The following MTO1 variants were observed in gnomAD, a reference collection of about 807,000 sequenced individuals.
MTO1 encodes 5-taurinomethyluridine-[tRNA] synthase subunit MTO1, mitochondrial.
In MTO1, 46 loss-of-function variants were observed where a neutral mutation model predicts 71.6. That is an observed-to-expected ratio of 0.64 (90% CI 0.51 to 0.82). The LOEUF is 0.82. Among genes scored for constraint, MTO1 ranks in the 40% least tolerant of loss-of-function variants. The pLI is 0.00. For synonymous variants in MTO1, 297 were observed against 312.1 expected, an observed-to-expected ratio of 0.95 and a Z score of 0.51; for missense variants, 773 against 867.5, an observed-to-expected ratio of 0.89 and a Z score of 1.37.
At chr6:73,479,906 T>C in intron 5 of MTO1, 30 bp from the exon 6 acceptor site, 1 of 1,606,098 alleles carries the variant, frequency 6.2e-7, no homozygotes, top group Non-Finnish European at 8.5e-7. Context: ...CTTTTGTTCA[T>C]TTCAAGTTTA....
rs539043276 is a variant in MTO1 at position 73,496,207 on chromosome 6, G to A, written c.1757-1529G>A. ...GTTCTGGCTGCCAGTTAAGTGATGG[G>A]AAAAGATGCTACCAAAACCTCAGAG... On this transcript the variant is annotated intron_variant, in intron 10 of 11. Transcript: ENST00000498286. Among the ~76,000 whole-genome samples, 4 of 152,258 alleles carry A rather than the reference G, an allele frequency of 2.6e-5. No homozygotes were observed. In the East Asian group the frequency reaches 7.7e-4, roughly 29 times the overall value.
chr6:73,491,947 A>C, intron 9 of MTO1: 1 of 246,336 alleles, frequency 4.1e-6, no homozygotes, highest in African/African-American at 2.2e-5. Flanking sequence ...CTAAAAATAC[A>C]AAAAAATAGC....
chr6:73,490,076 G>A (rs649909), intron 9 of MTO1, among the ~76,000 whole-genome samples: 137,610 of 152,248 alleles, frequency 0.9, 62,325 homozygotes, highest in East Asian at 0.95. Flanking sequence ...TGTTGGCTGC[G>A]TAAATGTCTT....
chr6:73,488,035 G>A (rs1426044529), intron 9 of MTO1, among the ~76,000 whole-genome samples: 3 of 152,114 alleles, frequency 2.0e-5, no homozygotes, highest in African/African-American at 7.2e-5. Context: ...GTGGATGTGA[G>A]GTGATATCTC....
chr6:73,464,182 A>C (rs1770911109), intron 1 of MTO1: 1 of 152,194 alleles, frequency 6.6e-6, no homozygotes, highest in Non-Finnish European at 1.5e-5. Flanking sequence ...ATTTTTAAAA[A>C]ATAATAATAA....
chr6:73,473,715 C>A, intron 4 of MTO1, 61 bp downstream of exon 4: 28 of 1,110,212 alleles, frequency 2.5e-5, no homozygotes, highest in Non-Finnish European at 3.0e-5. Context: ...GCAGGAAGTA[C>A]TGTAACTTTT....
At chr6:73,482,735 C>A in intron 9 of MTO1, 115 bp downstream of exon 9, 1 of 758,572 alleles carries the variant, frequency 1.3e-6, no homozygotes, top group Non-Finnish European at 1.9e-6. Flanking sequence ...ATGAATGTAG[C>A]TTGTTTTTGG....
intron 3 of MTO1, among the ~76,000 whole-genome samples, chr6:73,472,635 A>C (rs1214986924): frequency 3.3e-5 from 5 of 152,198 alleles, no homozygotes; most frequent in African/African-American, 1.2e-4. Context: ...CTAGCAATCT[A>C]GTGAGCAGTA....
chr6:73,470,368 G>A (rs932034639), intron 3 of MTO1, among the ~76,000 whole-genome samples: 1 of 151,494 alleles, frequency 6.6e-6, no homozygotes, highest in African/African-American at 2.4e-5. Flanking sequence ...CACCATGCCC[G>A]GCTACTTTTT....
In MTO1 at chr6:73,466,381, T is replaced by C. The variant is rs574279171; in HGVS notation, c.390T>C (p.Asp130=). Residue 130 remains aspartate (D), a synonymous_variant, in exon 2 of 12, where the codon GAT becomes GAC. Coordinates refer to ENST00000498286, the MANE Select transcript of MTO1 (RefSeq NM_012123.4). Reference sequence around the variant, plus strand: ...TGTGGGGTCTGAGAGCTCAGATTGATAGGAAACTCTATAAACAGAACATGC... The same window carrying C: ...TGTGGGGTCTGAGAGCTCAGATTGACAGGAAACTCTATAAACAGAACATGC... ...PAVWGLRAQI[D]RKLYKQNMQK... 8 of 1,614,206 alleles carry C rather than the reference T, an allele frequency of 5.0e-6. No individual in the cohort carries two copies. Among genetic ancestry groups the C allele is most frequent in the African/African-American group, 4.0e-5 (3 of 75,060 alleles).
chr6:73,462,077 G>A lies in MTO1; in HGVS notation c.217+6G>A, dbSNP rs776580548. 6.2e-7 allele frequency: 1 copy of A among 1,612,146 alleles called. No individual in the cohort carries two copies. Among genetic ancestry groups the A allele is most frequent in the South Asian group, 1.1e-5 (1 of 91,042 alleles). On this transcript the variant is annotated splice_donor_region_variant and intron_variant, in intron 1 of 11. Transcript: ENST00000498286. ...TCACCGCGTGGACACGATCGGTGAG[G>A]AGCGCGGGTGCTGTGGAACTTGGCG...
Position 73,466,499 on chromosome 6 carries a change from T to G in MTO1, c.428T>G (p.Leu143Trp). 1 of 1,614,126 alleles carries G rather than the reference T, an allele frequency of 6.2e-7. No individual in the cohort carries two copies. Among genetic ancestry groups the G allele is most frequent in the Non-Finnish European group, 8.5e-7 (1 of 1,179,966 alleles). Residue 143 changes from leucine (L) to tryptophan (W), a missense_variant, in exon 3 of 12, where the codon TTG becomes TGG. By Grantham distance (61) the Leu-to-Trp change is moderately conservative. Coordinates refer to ENST00000498286, the MANE Select transcript of MTO1 (RefSeq NM_012123.4). ...LYKQNMQKEILNTPLLTVQEG... is the reference protein window; with the variant it reads ...LYKQNMQKEIWNTPLLTVQEG... ...ATTTTCTTTTGACAGAAAGAAATCT[T>G]GAATACACCACTGCTTACTGTTCAG...
At chr6:73,499,947 G>A (rs777278617) in intron 11 of MTO1, among the ~76,000 whole-genome samples, 14 of 152,210 alleles carry the variant, frequency 9.2e-5, no homozygotes, top group Non-Finnish European at 1.8e-4. Flanking sequence ...ATTAGGTACC[G>A]CCTCAAGGAT....
At chr6:73,473,785 G>GTT in intron 4 of MTO1, 131 bp downstream of exon 4, 2 of 628,142 alleles carry the variant, frequency 3.2e-6, no homozygotes, top group Non-Finnish European at 5.0e-6. Context: ...GCAAAGAAAT[G>GTT]ATTTTTTTTT....
intron 6 of MTO1, 177 bp downstream of exon 6, chr6:73,480,303 G>T (rs544440086): frequency 2.6e-6 from 2 of 784,216 alleles, no homozygotes; most frequent in Admixed American, 4.0e-5. Context: ...ACGGAGTTTT[G>T]CTCTTGTTGC....
rs563276519 is a variant in MTO1 at position 73,505,287 on chromosome 6, A to G, written c.*4552A>G. On this transcript the variant is annotated 3_prime_UTR_variant, in exon 12 of 12. Coordinates refer to ENST00000498286, the MANE Select transcript of MTO1 (RefSeq NM_012123.4). The stretch of plus-strand genomic sequence containing the variant: ...ACCAATGAATGAAAGGATAAACAAA[A>G]TGTGGCATATACATACAATGGAATA... The G allele has an allele frequency of 6.6e-6, 1 of 152,370 alleles. No individual in the cohort carries two copies. Among genetic ancestry groups the G allele is most frequent in the Admixed American group, 6.5e-5 (1 of 15,294 alleles). 9.4% of individuals were successfully genotyped at this position (152,370 alleles called of 1,614,324 possible). A position where few individuals can be genotyped will look rare whatever the true frequency, so the allele number is the denominator to read the frequency against.
At chr6:73,496,029 T>C (rs1366979062) in intron 10 of MTO1, among the ~76,000 whole-genome samples, 1 of 152,176 alleles carries the variant, frequency 6.6e-6, no homozygotes, top group Non-Finnish European at 1.5e-5. Context: ...TCCTGTGTAC[T>C]TCACAACTAT....
Position 73,488,777 on chromosome 6 carries a change from G to A in MTO1, c.1638-3457G>A, listed in dbSNP as rs1033011758. ...TACAAAAAAAAAAAAAATTAGCCAC[G>A]CATGGTGGCACATGTCTGTAGTCCC... On this transcript the variant is annotated intron_variant, in intron 9 of 11. Transcript: ENST00000498286. Among the ~76,000 whole-genome samples, 11 of 151,770 alleles carry A rather than the reference G, an allele frequency of 7.2e-5. No individual in the cohort carries two copies. The South Asian group carries it at 1.0e-3, about 14-fold the overall frequency.
rs147990749 is a variant in MTO1, at chr6:73,497,764, A to T, written c.1785A>T (p.Gln595His). ...EATYESVLFH[Q>H]LQEIKGVQQD... ...CTTATGAATCAGTGTTGTTCCATCAACTACAAGAAATAAAGGGAGTTCAGC... is the reference window on the plus strand; with the variant it reads ...CTTATGAATCAGTGTTGTTCCATCATCTACAAGAAATAAAGGGAGTTCAGC... The change falls in exon 11 of 12, where the codon CAA becomes CAT. Residue 595 changes from glutamine to histidine, a missense_variant. Coordinates refer to ENST00000498286, the MANE Select transcript of MTO1 (RefSeq NM_012123.4). The T allele has an allele frequency of 6.2e-7, 1 of 1,614,006 alleles. No homozygotes were observed. Among genetic ancestry groups the T allele is most frequent in the Non-Finnish European group, 8.5e-7 (1 of 1,179,916 alleles).
Sources: allele counts gnomAD v4.1 joint callset (sites outside exome capture counted in the v4.1 genomes callset), GRCh38; gene constraint gnomAD v4.1.1; transcripts MANE v1.5; gene names NCBI Gene and HGNC (gene_info 2026-07-23, HGNC 2026-07-21).